The following EYS variants were observed in gnomAD, a reference collection of about 807,000 sequenced individuals.
The protein encoded by EYS is EGF-like photoreceptor maintenance factor, also known as protein eyes shut homolog.
EYS carries 250 observed loss-of-function variants against 282.1 expected under a neutral mutation model. The ratio of observed to expected loss-of-function variants is 0.89; its 90% CI spans 0.80 to 0.98. EYS has a LOEUF of 0.98. Ranked by LOEUF, EYS falls within the 50% of genes least tolerant of loss-of-function variation. The pLI, the probability that EYS is intolerant of heterozygous loss-of-function variation, is 0.00. For synonymous variants in EYS, 1,355 were observed against 1,282.9 expected (o/e 1.06, Z -1.20); for missense variants, 4,016 against 3,709.0 (o/e 1.08, Z -2.15).
chr6:64,517,218 A>G (rs1054559279), intron 26 of EYS, among the ~76,000 whole-genome samples: 2 of 151,770 alleles, frequency 1.3e-5, no homozygotes, highest in Non-Finnish European at 2.9e-5. Flanking sequence ...AACCTCACAA[A>G]TTAGATACCC....
chr6:65,109,657 T>TTAA (rs397886883), intron 12 of EYS, among the ~76,000 whole-genome samples: 1 of 136,288 alleles, frequency 7.3e-6, no homozygotes, highest in East Asian at 2.2e-4. Flanking sequence ...ACTCCTTACA[T>TTAA]AAAAAAAAAA....
intron 12 of EYS, among the ~76,000 whole-genome samples, chr6:65,099,795 C>A (rs963295199): frequency 2.7e-5 from 4 of 150,756 alleles, no homozygotes; most frequent in Non-Finnish European, 6.0e-5. Context: ...ACCAACATAT[C>A]TCCGGACTGC....
At chr6:65,561,779 C>A (rs1270253388) in intron 2 of EYS, among the ~76,000 whole-genome samples, 1 of 151,902 alleles carries the variant, frequency 6.6e-6, no homozygotes, top group African/African-American at 2.4e-5. Flanking sequence ...CACTACTCTA[C>A]TTCTATTACA....
Position 64,506,912 on chromosome 6 carries a change from A to AAAAAAAAAAAC in EYS, c.5645-67561_5645-67560insGTTTTTTTTTT, listed in dbSNP as rs1432714280. On this transcript the variant is annotated intron_variant, in intron 26 of 42. Coordinates refer to ENST00000503581, the MANE Select transcript of EYS (RefSeq NM_001142800.2). ...CGATAAAGCGAGGCTGTGTCTTAAA[A>AAAAAAAAAAAC]AAAAAAAAAAAAACTGACTTACCTA... Among the ~76,000 whole-genome samples the AAAAAAAAAAAC allele has an allele frequency of 3.5e-5, 5 of 140,894 alleles. No individual in the cohort carries two copies. The East Asian group carries it at 9.8e-4, about 27-fold the overall frequency. The allele number at this position is 140,894 out of a possible 152,430, so 92.4% of individuals were successfully genotyped here.
intron 26 of EYS, among the ~76,000 whole-genome samples, chr6:64,572,180 GA>G (rs1765748098): frequency 1.3e-5 from 2 of 152,226 alleles, no homozygotes; most frequent in South Asian, 4.1e-4. Flanking sequence ...AAAACTGCAT[GA>G]TTATTTAAAT....
At chr6:64,822,265 G>A (rs1453556121) in intron 20 of EYS, among the ~76,000 whole-genome samples, 1 of 151,972 alleles carries the variant, frequency 6.6e-6, no homozygotes, top group Non-Finnish European at 1.5e-5. Context: ...TACACATAGG[G>A]CTGAAAGAAC....
chr6:65,421,975 T>C (rs1432542419), intron 5 of EYS, among the ~76,000 whole-genome samples: 1 of 151,900 alleles, frequency 6.6e-6, no homozygotes, highest in Non-Finnish European at 1.5e-5. Context: ...GTTTGAAATA[T>C]TGTGAGAATT....
At chr6:65,285,634 A>C (rs535912609) in intron 12 of EYS, among the ~76,000 whole-genome samples, 1 of 152,128 alleles carries the variant, frequency 6.6e-6, no homozygotes, top group African/African-American at 2.4e-5. Flanking sequence ...GTAGCTGCAA[A>C]ATAACATTTT....
At chr6:64,285,839 T>C (rs1410309015) in intron 30 of EYS, among the ~76,000 whole-genome samples, 2 of 152,058 alleles carry the variant, frequency 1.3e-5, no homozygotes, top group Non-Finnish European at 2.9e-5. Flanking sequence ...TTCACTACCA[T>C]GAGAACAGTA....
chr6:64,967,644 C>T (rs2150109461), intron 14 of EYS, among the ~76,000 whole-genome samples: 1 of 152,176 alleles, frequency 6.6e-6, no homozygotes, highest in East Asian at 1.9e-4. Context: ...TCACCCACAT[C>T]ATTCCATTCA....
At chr6:64,228,610 A>G (rs1424811156) in intron 31 of EYS, among the ~76,000 whole-genome samples, 2 of 152,164 alleles carry the variant, frequency 1.3e-5, no homozygotes, top group Non-Finnish European at 2.9e-5. Flanking sequence ...TAGTTTTTAA[A>G]ATATTATAAA....
At chr6:64,603,358 C>A (rs896652962) in intron 24 of EYS, among the ~76,000 whole-genome samples, 1 of 151,812 alleles carries the variant, frequency 6.6e-6, no homozygotes, top group Non-Finnish European at 1.5e-5. Flanking sequence ...TTTTGTTTCC[C>A]TGAGACTGAT....
chr6:64,061,639 A>C (rs1771174148), intron 33 of EYS, among the ~76,000 whole-genome samples: 1 of 152,234 alleles, frequency 6.6e-6, no homozygotes, highest in East Asian at 1.9e-4. Context: ...AGCTAATAAC[A>C]AAAAATAAAG....
chr6:65,181,183 C>T (rs1765372709), intron 12 of EYS, among the ~76,000 whole-genome samples: 1 of 152,058 alleles, frequency 6.6e-6, no homozygotes, highest in Non-Finnish European at 1.5e-5. Context: ...AAAGCAATGG[C>T]AACAAAAGCC....
intron 28 of EYS, among the ~76,000 whole-genome samples, chr6:64,405,114 G>C (rs1461097945): frequency 6.6e-6 from 1 of 152,118 alleles, no homozygotes; most frequent in Non-Finnish European, 1.5e-5. Flanking sequence ...GCATGCATTA[G>C]CTATTTTTCC....
chr6:65,652,992 T>C (rs927388217), intron 1 of EYS, among the ~76,000 whole-genome samples: 1 of 151,810 alleles, frequency 6.6e-6, no homozygotes, highest in Non-Finnish European at 1.5e-5. Context: ...TTAGGAGGGA[T>C]AAACGAAGAG....
intron 31 of EYS, among the ~76,000 whole-genome samples, chr6:64,182,961 C>A (rs1348122390): frequency 6.6e-6 from 1 of 152,076 alleles, no homozygotes. Context: ...GTGTCCCCAC[C>A]CAAATCTCAC....
chr6:64,870,473 CA>C (rs1766562731), intron 19 of EYS, among the ~76,000 whole-genome samples: 1 of 141,598 alleles, frequency 7.1e-6, no homozygotes, highest in Non-Finnish European at 1.5e-5. Flanking sequence ...ATCTGATTTG[CA>C]GATTTACAAC....
chr6:65,329,271 C>CTTTA (rs1292395207), intron 11 of EYS: 1 of 748,426 alleles, frequency 1.3e-6, no homozygotes, highest in Non-Finnish European at 1.6e-6. Context: ...AAACTTGAAA[C>CTTTA]TTTATTATTC....
Sources: gnomAD v4.1 joint callset for allele counts (sites outside exome capture counted in the v4.1 genomes callset) on GRCh38, gnomAD v4.1.1 for gene constraint, MANE v1.5 for transcripts, NCBI Gene and HGNC (gene_info 2026-07-23, HGNC 2026-07-21) for gene names.